The following PAG1 variants were observed in gnomAD, a reference collection of about 807,000 sequenced individuals.
PAG1 encodes phosphoprotein membrane anchor with glycosphingolipid microdomains 1, also known as phosphoprotein associated with glycosphingolipid-enriched microdomains 1.
PAG1 carries 23 observed loss-of-function variants against 31.7 expected under a neutral mutation model. The ratio of observed to expected loss-of-function variants is 0.73; its 90% CI spans 0.52 to 1.03. The LOEUF is 1.03. Among genes scored for constraint, PAG1 ranks in the 50% least tolerant of loss-of-function variants. The probability of loss-of-function intolerance (pLI) is 0.00; values close to 1 mark genes in which losing one functional copy is unlikely to be tolerated. For synonymous variants in PAG1, 214 were observed against 210.3 expected (o/e 1.02, Z -0.15); for missense variants, 473 against 540.7 (o/e 0.87, Z 1.24).
intron 6 of PAG1, among the ~76,000 whole-genome samples, 167 bp downstream of exon 6, chr8:80,987,203 T>G (rs1170876961): frequency 2.0e-5 from 3 of 152,196 alleles, no homozygotes; most frequent in Admixed American, 2.0e-4. Flanking sequence ...AGAAGTGGAT[T>G]AATAAGTAGC....
At chr8:81,018,600 G>A (rs1035129770) in intron 3 of PAG1, among the ~76,000 whole-genome samples, 2 of 152,222 alleles carry the variant, frequency 1.3e-5, no homozygotes, top group Admixed American at 1.3e-4. Context: ...GGTCTCATGA[G>A]ATCTGATGTT....
At chr8:80,985,877 G>A (rs529459917) in intron 6 of PAG1, among the ~76,000 whole-genome samples, 1 of 152,256 alleles carries the variant, frequency 6.6e-6, no homozygotes, top group East Asian at 1.9e-4. Context: ...ACATGCACCC[G>A]TCAGCCATTA....
In PAG1 at chr8:80,975,624, A is replaced by G. The variant is rs1242971709; in HGVS notation, c.*920T>C. ...TCCACAGCCCTTCAGCGATGGATGC[A>G]TGGCTGCCGTCCAAATATGTGGTCT... On this transcript the variant is annotated 3_prime_UTR_variant, in exon 9 of 9. Transcript: ENST00000220597. The G allele has an allele frequency of 6.6e-6, 1 of 152,192 alleles. No homozygotes were observed. Among genetic ancestry groups the G allele is most frequent in the Non-Finnish European group, 1.5e-5 (1 of 68,034 alleles). 9.4% of individuals were successfully genotyped at this position (152,192 alleles called of 1,614,324 possible). A position where few individuals can be genotyped will look rare whatever the true frequency, so the allele number is the denominator to read the frequency against.
At chr8:81,052,321 C>A (rs917610885) in intron 2 of PAG1, among the ~76,000 whole-genome samples, 6 of 152,120 alleles carry the variant, frequency 3.9e-5, no homozygotes, top group Non-Finnish European at 7.3e-5. Context: ...GGGAGGCCAG[C>A]CAAGGGCACC....
intron 2 of PAG1, among the ~76,000 whole-genome samples, chr8:81,065,837 TTATA>T (rs1808996297): frequency 6.6e-6 from 1 of 150,646 alleles, no homozygotes; most frequent in Non-Finnish European, 1.5e-5. Context: ...ATATATATGT[TTATA>T]TATATCATAT....
intron 2 of PAG1, among the ~76,000 whole-genome samples, chr8:81,063,282 T>C (rs1170812530): frequency 6.6e-6 from 1 of 152,184 alleles, no homozygotes; most frequent in Non-Finnish European, 1.5e-5. Flanking sequence ...AGGGTTTTTA[T>C]TCCTAAAGTG....
chr8:80,984,703 C>A, intron 7 of PAG1, 73 bp downstream of exon 7: 1 of 1,405,174 alleles, frequency 7.1e-7, no homozygotes. Flanking sequence ...TTTCCCAGAA[C>A]AACTCCAGGG....
chr8:80,996,141 C>A (rs1230744753), intron 3 of PAG1, among the ~76,000 whole-genome samples: 1 of 152,248 alleles, frequency 6.6e-6, no homozygotes, highest in Non-Finnish European at 1.5e-5. Context: ...GGGCAGCTTT[C>A]TCCTCTTGGA....
chr8:81,071,552 T>C (rs1348645802), intron 1 of PAG1, among the ~76,000 whole-genome samples: 2 of 152,210 alleles, frequency 1.3e-5, no homozygotes, highest in Non-Finnish European at 2.9e-5. Flanking sequence ...ACAATTGCAT[T>C]GGGAACAAGT....
chr8:80,991,567 GC>G, intron 4 of PAG1, 37 bp from the exon 5 acceptor site: 1 of 1,520,984 alleles, frequency 6.6e-7, no homozygotes, highest in Non-Finnish European at 9.1e-7. Context: ...TGTCAAATGT[GC>G]CCCCTTAAAA....
chr8:81,068,571 A>C (rs73279963), intron 2 of PAG1, among the ~76,000 whole-genome samples: 6,782 of 152,306 alleles, frequency 0.045, 476 homozygotes, highest in African/African-American at 0.15. Context: ...AAAAAAGCTC[A>C]GCTTGAGATA....
intron 3 of PAG1, among the ~76,000 whole-genome samples, chr8:81,029,391 C>G (rs1228263734): frequency 6.6e-6 from 1 of 151,536 alleles, no homozygotes. Flanking sequence ...CACACACACC[C>G]CTCCCCACAA....
At chr8:81,059,536 T>C (rs567639885) in intron 2 of PAG1, among the ~76,000 whole-genome samples, 2 of 152,242 alleles carry the variant, frequency 1.3e-5, no homozygotes, top group South Asian at 4.1e-4. Flanking sequence ...TATAGATAGG[T>C]GCCAACAGGA....
intron 1 of PAG1, among the ~76,000 whole-genome samples, chr8:81,110,886 G>T (rs992898305): frequency 6.6e-6 from 1 of 152,152 alleles, no homozygotes; most frequent in African/African-American, 2.4e-5. Context: ...TGGAATGGAG[G>T]GCCACAGCTG....
intron 1 of PAG1, among the ~76,000 whole-genome samples, chr8:81,075,343 G>C (rs181353526): frequency 6.6e-6 from 1 of 152,210 alleles, no homozygotes; most frequent in Admixed American, 6.5e-5. Context: ...CATGAAAGAT[G>C]AGGTTGAGTC....
At chr8:81,085,508 C>T (rs1285766358) in intron 1 of PAG1, among the ~76,000 whole-genome samples, 2 of 152,168 alleles carry the variant, frequency 1.3e-5, no homozygotes, top group Non-Finnish European at 2.9e-5. Flanking sequence ...CCATCCTGTA[C>T]TCAACATGCA....
intron 3 of PAG1, among the ~76,000 whole-genome samples, chr8:81,006,468 T>C (rs1487688813): frequency 2.0e-5 from 3 of 152,196 alleles, no homozygotes; most frequent in Admixed American, 6.5e-5. Context: ...TCCTGGTTCA[T>C]AGTGTGAAAG....
At chr8:81,104,113 C>A (rs190271854) in intron 1 of PAG1, among the ~76,000 whole-genome samples, 4 of 152,092 alleles carry the variant, frequency 2.6e-5, no homozygotes, top group Non-Finnish European at 5.9e-5. Context: ...CATGGTAGGT[C>A]TTAATATTTA....
chr8:81,020,912 G>A (rs1808154070), intron 3 of PAG1, among the ~76,000 whole-genome samples: 5 of 152,198 alleles, frequency 3.3e-5, no homozygotes, highest in Admixed American at 3.3e-4. Context: ...CACGCCACAG[G>A]TTCTGAAAAA....
Sources: gnomAD v4.1 joint callset for allele counts (sites outside exome capture counted in the v4.1 genomes callset) on GRCh38, gnomAD v4.1.1 for gene constraint, MANE v1.5 for transcripts, NCBI Gene and HGNC (gene_info 2026-07-23, HGNC 2026-07-21) for gene names.